Variants in NFIA observed in about 807,000 individuals in gnomAD.
The protein encoded by NFIA is nuclear factor I A.
A neutral mutation model predicts 62.8 loss-of-function variants in NFIA; 8 were observed. That is an observed-to-expected ratio of 0.13 (90% CI 0.07 to 0.23). NFIA has a LOEUF of 0.23. NFIA is among the 10% of genes least tolerant of loss of function. NFIA has a pLI of 1.00. For missense variants in NFIA, 410 were observed against 642.1 expected, an observed-to-expected ratio of 0.64 and a Z score of 3.91; for synonymous variants, 235 against 238.1, an observed-to-expected ratio of 0.99 and a Z score of 0.12.
At chr1:61,364,931 C>G (rs1663502409) in intron 6 of NFIA, among the ~76,000 whole-genome samples, 1 of 152,254 alleles carries the variant, frequency 6.6e-6, no homozygotes, top group Non-Finnish European at 1.5e-5. Context: ...AATAGAGAAC[C>G]CTGGCCGGGC....
chr1:61,350,357 A>T (rs1397563959), intron 4 of NFIA, among the ~76,000 whole-genome samples: 1 of 151,836 alleles, frequency 6.6e-6, no homozygotes, highest in Admixed American at 6.6e-5. Flanking sequence ...CACCGGGCAC[A>T]TGTTGGCTCA....
intron 2 of NFIA, among the ~76,000 whole-genome samples, chr1:61,173,725 C>T (rs1650134381): frequency 6.6e-6 from 1 of 152,090 alleles, no homozygotes; most frequent in Admixed American, 6.5e-5. Flanking sequence ...ACCTCTCTGG[C>T]CAGGGCTCTG....
chr1:61,274,128 G>A (rs574745501), intron 2 of NFIA, among the ~76,000 whole-genome samples: 9 of 152,160 alleles, frequency 5.9e-5, no homozygotes, highest in South Asian at 2.1e-4. Context: ...TAGTGATTAC[G>A]TTGACAGTGA....
At chr1:61,368,483 G>T (rs901336555) in intron 6 of NFIA, among the ~76,000 whole-genome samples, 1 of 152,204 alleles carries the variant, frequency 6.6e-6, no homozygotes. Context: ...CTCATATTCT[G>T]CCATGAGCAA....
chr1:61,248,439 G>C (rs1250877292), intron 2 of NFIA, among the ~76,000 whole-genome samples: 3 of 152,122 alleles, frequency 2.0e-5, no homozygotes, highest in African/African-American at 7.2e-5. Context: ...CCCCAAACTT[G>C]AATTGGTCCA....
intron 2 of NFIA, among the ~76,000 whole-genome samples, chr1:61,140,965 G>GTGTTTTT (rs1647465111): frequency 1.1e-5 from 1 of 88,598 alleles, no homozygotes; most frequent in Non-Finnish European, 2.1e-5. Flanking sequence ...CCACAGCTGG[G>GTGTTTTT]TTTTTTTTTT....
rs531787675 is a variant in NFIA at position 61,369,234 on chromosome 1, A to G, written c.946+9960A>G. Among the ~76,000 whole-genome samples the G allele has an allele frequency of 1.1e-4, 17 of 152,316 alleles. No individual in the cohort carries two copies. In the South Asian group the frequency reaches 3.5e-3, roughly 32 times the overall value. On this transcript the variant is annotated intron_variant, in intron 6 of 10. Coordinates refer to ENST00000403491, the MANE Select transcript of NFIA (RefSeq NM_001134673.4). ...TGCATATACAAAAATACAGTTTATC[A>G]TACTATACTCATGGACCCAAATCTC... is the stretch of plus-strand genomic sequence containing the variant.
At position 61,448,472 on chromosome 1, in the gene NFIA, C is replaced by T. The variant is rs78754051; in HGVS notation, c.1513-6831C>T. 7.1e-3 allele frequency among the ~76,000 whole-genome samples: 1,086 copies of T among 152,286 alleles called. 27 individuals carry two copies. Among genetic ancestry groups the T allele is most frequent in the East Asian group, 0.069 (359 of 5,170 alleles). Reference sequence around the variant, plus strand: ...ACGTGGACCCTAAGGCCCCAGAAACCGTTCACAGTGAGAGAACCCAGCTAC... The same window carrying T: ...ACGTGGACCCTAAGGCCCCAGAAACTGTTCACAGTGAGAGAACCCAGCTAC... On this transcript the variant is annotated intron_variant, in intron 10 of 10. Transcript: ENST00000403491.
At chr1:61,176,324 G>T (rs1251623510) in intron 2 of NFIA, among the ~76,000 whole-genome samples, 1 of 152,098 alleles carries the variant, frequency 6.6e-6, no homozygotes, top group Non-Finnish European at 1.5e-5. Context: ...GTCATTTTAA[G>T]TTGGGGCGTA....
intron 5 of NFIA, among the ~76,000 whole-genome samples, chr1:61,355,792 G>A (rs993094015): frequency 2.0e-4 from 31 of 152,044 alleles, no homozygotes; most frequent in African/African-American, 7.5e-4. Context: ...TCGCTATGTT[G>A]CCCACGGTGG....
intron 10 of NFIA, among the ~76,000 whole-genome samples, chr1:61,443,501 C>T (rs1037710887): frequency 2.6e-5 from 4 of 152,176 alleles, no homozygotes; most frequent in Admixed American, 1.3e-4. Flanking sequence ...ATTTATCTGA[C>T]GCATCACATG....
intron 9 of NFIA, among the ~76,000 whole-genome samples, chr1:61,416,690 A>G (rs901778569): frequency 2.0e-5 from 3 of 152,136 alleles, no homozygotes; most frequent in Admixed American, 2.0e-4. Context: ...AAAATCAAGC[A>G]TTTTGATAGG....
chr1:61,375,629 C>T (rs1160373975), intron 6 of NFIA, among the ~76,000 whole-genome samples: 1 of 152,094 alleles, frequency 6.6e-6, no homozygotes, highest in Non-Finnish European at 1.5e-5. Flanking sequence ...CCTGGCTCCT[C>T]CACTCACTGA....
chr1:61,336,674 C>A (rs1475295230), intron 4 of NFIA, among the ~76,000 whole-genome samples: 1 of 152,174 alleles, frequency 6.6e-6, no homozygotes, highest in Non-Finnish European at 1.5e-5. Context: ...CTATTCATTA[C>A]CTCCCACTCC....
At chr1:61,178,074 C>T (rs147102555) in intron 2 of NFIA, among the ~76,000 whole-genome samples, 54 of 152,226 alleles carry the variant, frequency 3.5e-4, no homozygotes, top group Middle Eastern at 3.4e-3. Context: ...TCCCCTAGAT[C>T]GCCAGAGATC....
chr1:61,235,516 TAAAAAAA>T (rs200539366), intron 2 of NFIA, among the ~76,000 whole-genome samples: 1 of 142,604 alleles, frequency 7.0e-6, no homozygotes. Flanking sequence ...AAATAAAAAA[TAAAAAAA>T]AATGAACAAA....
chr1:61,391,690 C>T lies in NFIA; in HGVS notation c.1075+8325C>T, dbSNP rs147096574. Among the ~76,000 whole-genome samples the T allele has an allele frequency of 2.2e-3, 340 of 152,288 alleles. 1 individual carries two copies. The highest frequency in any genetic ancestry group is 0.01 in the Middle Eastern group (3 of 294). On this transcript the variant is annotated intron_variant, in intron 7 of 10. Coordinates refer to ENST00000403491, the MANE Select transcript of NFIA (RefSeq NM_001134673.4). ...CAAACTAAGGTCCCTCCAGAAAGAA[C>T]GTCCCCTGGCGTTTCACTACTACTG...
chr1:61,286,243 CTG>C (rs1349766460), intron 3 of NFIA, among the ~76,000 whole-genome samples: 3 of 151,202 alleles, frequency 2.0e-5, no homozygotes, highest in Admixed American at 1.3e-4. Context: ...CTGGCTAACA[CTG>C]TGAAACCCTG....
chr1:61,332,462 A>G (rs764758890), intron 3 of NFIA, 50 bp from the exon 4 acceptor site: 1 of 1,524,866 alleles, frequency 6.6e-7, no homozygotes, highest in Non-Finnish European at 9.1e-7. Flanking sequence ...TCTGTTGTCA[A>G]ATGTCTTGTA....
Sources: allele counts gnomAD v4.1 joint callset (sites outside exome capture counted in the v4.1 genomes callset), GRCh38; gene constraint gnomAD v4.1.1; transcripts MANE v1.5; gene names NCBI Gene and HGNC (gene_info 2026-07-23, HGNC 2026-07-21).